Variants in NREP observed in about 807,000 individuals in gnomAD.
NREP encodes neuronal regeneration related protein.
Under a neutral mutation model 8.6 loss-of-function variants are expected in NREP, and 5 were observed. That is an observed-to-expected ratio of 0.58 (90% confidence interval 0.30 to 1.22). The LOEUF (loss-of-function observed/expected upper bound fraction) is 1.22, where lower values mean the gene tolerates loss of function less well. NREP is among the 50% of genes most tolerant of loss of function. NREP has a pLI of 0.07. For synonymous variants in NREP, 27 were observed against 28.0 expected (o/e 0.96, Z 0.11); for missense variants, 86 against 82.5 (o/e 1.04, Z -0.17).
At chr5:111,926,725 G>C (rs1755396543) in intron 2 of NREP, among the ~76,000 whole-genome samples, 1 of 151,994 alleles carries the variant, frequency 6.6e-6, no homozygotes, top group Non-Finnish European at 1.5e-5. Context: ...GGGAAGAAAA[G>C]ACGTCCCTTA....
chr5:111,741,100 G>A lies in NREP; in HGVS notation c.4-5593C>T, dbSNP rs1167629712. ...TAATGTTATTCTTTATCCCTGATGGGGTCCTATAGGGTTAAAGAATGCACA... is the reference window on the plus strand; with the variant it reads ...TAATGTTATTCTTTATCCCTGATGGAGTCCTATAGGGTTAAAGAATGCACA... On this transcript the variant is annotated intron_variant, in intron 2 of 3. Transcript: ENST00000257435. Among the ~76,000 whole-genome samples the A allele has an allele frequency of 2.0e-5, 3 of 152,202 alleles. No homozygotes were observed. In the East Asian group the frequency reaches 5.8e-4, roughly 29 times the overall value.
rs192778759 is a variant in NREP at position 111,953,173 on chromosome 5, C to A, written c.135+22101G>T. Among the ~76,000 whole-genome samples the A allele has an allele frequency of 8.5e-4, 130 of 152,106 alleles. 2 individuals are homozygous for A. Among genetic ancestry groups the A allele is most frequent in the African/African-American group, 3.0e-3 (124 of 41,512 alleles). On this transcript the variant is annotated intron_variant, in intron 2 of 3. Transcript: ENST00000395634. ...TTATTTTCTTTCTTTTTTCTTTCAA[C>A]CAATTTCCTTCAACCAATGCATCAC...
upstream of NREP, chr5:111,757,247 TGGGG>T (rs1259594314): frequency 0.011 from 44 of 4,062 alleles, no homozygotes; most frequent in Non-Finnish European, 0.016. Context: ...GAGGGGGGAT[TGGGG>T]GAGGGAGGGG....
intron 2 of NREP, among the ~76,000 whole-genome samples, chr5:111,820,036 A>G (rs1752480706): frequency 6.6e-6 from 1 of 152,072 alleles, no homozygotes; most frequent in South Asian, 2.1e-4. Flanking sequence ...TCTCCTCTCA[A>G]CTAGATCTCC....
At chr5:111,737,715 TAAAAAA>T (rs554103997) in intron 2 of NREP, among the ~76,000 whole-genome samples, 5 of 119,668 alleles carry the variant, frequency 4.2e-5, no homozygotes, top group African/African-American at 1.4e-4. Flanking sequence ...CTCCATTTGC[TAAAAAA>T]AAAAAAAACA....
chr5:111,911,991 A>G (rs952551350), intron 2 of NREP, among the ~76,000 whole-genome samples: 4 of 152,104 alleles, frequency 2.6e-5, no homozygotes, highest in Non-Finnish European at 5.9e-5. Context: ...CTAATGGTAC[A>G]CGATTGATAA....
chr5:111,756,187 A>G (rs922120165), intron 1 of NREP: 7 of 1,026,050 alleles, frequency 6.8e-6, no homozygotes, highest in East Asian at 7.9e-5. Flanking sequence ...TACTGGCAGT[A>G]TATTTGCAAT....
At chr5:111,920,092 G>A (rs751042111) in intron 2 of NREP, among the ~76,000 whole-genome samples, 1 of 150,866 alleles carries the variant, frequency 6.6e-6, no homozygotes, top group East Asian at 2.0e-4. Flanking sequence ...TAATGTGCAT[G>A]CCTGAGCCTA....
At chr5:111,927,042 T>C (rs1197767732) in intron 2 of NREP, among the ~76,000 whole-genome samples, 2 of 152,002 alleles carry the variant, frequency 1.3e-5, no homozygotes, top group African/African-American at 2.4e-5. Context: ...CGGGAGAGAC[T>C]ATGTAATAGT....
At chr5:111,882,697 C>A (rs1754118083) in intron 2 of NREP, among the ~76,000 whole-genome samples, 1 of 152,050 alleles carries the variant, frequency 6.6e-6, no homozygotes, top group Non-Finnish European at 1.5e-5. Flanking sequence ...AAAGAATTTT[C>A]CACCCAGAAT....
intron 2 of NREP, among the ~76,000 whole-genome samples, chr5:111,892,595 C>T (rs937931124): frequency 6.6e-6 from 1 of 151,792 alleles, no homozygotes; most frequent in African/African-American, 2.4e-5. Flanking sequence ...AAAAGTTTAA[C>T]TTGTTCTATA....
At position 111,904,578 on chromosome 5, in the gene NREP, T is replaced by C. The variant is rs151110852; in HGVS notation, c.135+70696A>G. On this transcript the variant is annotated intron_variant, in intron 2 of 3. Coordinates refer to the NREP transcript ENST00000395634. ...TTTAAGGTTCCTCCATGTCATTTTGTGGCTTGATAGTTCAATTTTCTTTTT... is the reference window on the plus strand; with the variant it reads ...TTTAAGGTTCCTCCATGTCATTTTGCGGCTTGATAGTTCAATTTTCTTTTT... Among the ~76,000 whole-genome samples, 643 of 152,250 alleles carry C rather than the reference T, an allele frequency of 4.2e-3. 1 individual carries two copies. The highest frequency in any genetic ancestry group is 0.015 in the African/African-American group (608 of 41,560).
At chr5:111,757,551 A>G, upstream of NREP, 2 of 984,906 alleles carry the variant, frequency 2.0e-6, no homozygotes, top group Non-Finnish European at 2.4e-6. Flanking sequence ...CCTAGGAGCC[A>G]GACTGCTTAC....
intron 2 of NREP, among the ~76,000 whole-genome samples, chr5:111,960,702 A>G (rs1356490881): frequency 6.6e-6 from 1 of 152,256 alleles, no homozygotes; most frequent in Non-Finnish European, 1.5e-5. Context: ...CAAGCTTGGT[A>G]TTCTAACATG....
intron 2 of NREP, among the ~76,000 whole-genome samples, chr5:111,879,939 G>A (rs967762431): frequency 6.6e-6 from 1 of 152,128 alleles, no homozygotes; most frequent in Non-Finnish European, 1.5e-5. Context: ...CCTCCCAAAG[G>A]TCAGTCTCCA....
intron 2 of NREP, among the ~76,000 whole-genome samples, chr5:111,763,536 A>G (rs1751013497): frequency 6.6e-6 from 1 of 152,248 alleles, no homozygotes; most frequent in African/African-American, 2.4e-5. Context: ...AGGTTGTTGC[A>G]GAAACAAAGA....
intron 2 of NREP, among the ~76,000 whole-genome samples, chr5:111,920,840 G>GTA (rs1755218073): frequency 6.6e-6 from 1 of 152,074 alleles, no homozygotes; most frequent in South Asian, 2.1e-4. Flanking sequence ...CTTCTAATTG[G>GTA]TACTGCTGAA....
At position 111,730,845 on chromosome 5, in the gene NREP, A is replaced by T; in HGVS notation, c.*76T>A. The T allele has an allele frequency of 6.6e-7, 1 of 1,513,826 alleles. No individual in the cohort carries two copies. Among genetic ancestry groups the T allele is most frequent in the Non-Finnish European group, 9.0e-7 (1 of 1,111,010 alleles). The allele number at this position is 1,513,826 out of a possible 1,614,324, so 93.8% of individuals were successfully genotyped here. On this transcript the variant is annotated 3_prime_UTR_variant, in exon 4 of 4. Coordinates refer to ENST00000257435, the MANE Select transcript of NREP (RefSeq NM_004772.4). Reference sequence around the variant, plus strand: ...TTCTTATACTTGATGATTTACACAGAAAAAAATCCCATATATGATACCATG... The same window carrying T: ...TTCTTATACTTGATGATTTACACAGTAAAAAATCCCATATATGATACCATG...
chr5:111,939,595 G>A (rs1392041553), intron 2 of NREP, among the ~76,000 whole-genome samples: 1 of 152,042 alleles, frequency 6.6e-6, no homozygotes, highest in African/African-American at 2.4e-5. Context: ...ACGTGCAAGT[G>A]CACAGCTGAG....
Sources: allele counts gnomAD v4.1 joint callset (sites outside exome capture counted in the v4.1 genomes callset), GRCh38; gene constraint gnomAD v4.1.1; transcripts MANE v1.5; gene names NCBI Gene and HGNC (gene_info 2026-07-23, HGNC 2026-07-21).